ACTR3C: variants seen among roughly 807,000 people sequenced by gnomAD.
The protein encoded by ACTR3C is actin-related protein 3C.
A neutral mutation model predicts 26.3 loss-of-function variants in ACTR3C; 18 were observed. The ratio of observed to expected loss-of-function variants is 0.68; its 90% CI spans 0.47 to 1.01. The LOEUF is 1.01. Ranked by LOEUF, ACTR3C falls within the 50% of genes least tolerant of loss-of-function variation. The pLI, the probability that ACTR3C is intolerant of heterozygous loss-of-function variation, is 0.00. For missense variants in ACTR3C, 184 were observed against 250.7 expected, an observed-to-expected ratio of 0.73 and a Z score of 1.80; for synonymous variants, 55 against 94.5, an observed-to-expected ratio of 0.58 and a Z score of 2.42.
the ACTR3C span, among the ~76,000 whole-genome samples, chr7:149,883,227 T>C: frequency 1.3e-5 from 2 of 152,198 alleles, no homozygotes; most frequent in Non-Finnish European, 2.9e-5. Context: ...CGCTTTGGGC[T>C]GCCAGAAGCC....
the ACTR3C span, among the ~76,000 whole-genome samples, chr7:150,005,798 C>CA: frequency 6.6e-6 from 1 of 152,252 alleles, no homozygotes; most frequent in Admixed American, 6.5e-5. Context: ...ATAACTAACA[C>CA]AGCAGGCTCT....
intron 1 of ACTR3C, among the ~76,000 whole-genome samples, chr7:150,304,172 C>T (rs1187593975): frequency 6.6e-6 from 1 of 152,048 alleles, no homozygotes; most frequent in African/African-American, 2.4e-5. Context: ...AGAAAGCTGA[C>T]CTCTACACTG....
Position 150,248,714 on chromosome 7 carries a change from A to G in ACTR3C, c.*38+234T>C, listed in dbSNP as rs1832626364. 16 of 308,842 alleles carry G rather than the reference A, an allele frequency of 5.2e-5. 1 individual carries two copies. The South Asian group carries it at 1.5e-3, about 30-fold the overall frequency. The allele number at this position is 308,842 out of a possible 1,614,324, so 19.1% of individuals were successfully genotyped here. On this transcript the variant is annotated intron_variant, in intron 7 of 7. Transcript: ENST00000683684. ...ATCTTATCAAAATGTCCAGAATACA[A>G]TAAAAAACCACTTATCATAGCAAGA...
chr7:150,017,278 G>A, the ACTR3C span, among the ~76,000 whole-genome samples: 1,451 of 151,478 alleles, frequency 9.6e-3, 30 homozygotes, highest in African/African-American at 0.033. Flanking sequence ...GCGCTATCTC[G>A]TGTGGCTTCC....
the ACTR3C span, among the ~76,000 whole-genome samples, chr7:149,884,693 G>A: frequency 2.0e-5 from 3 of 152,212 alleles, no homozygotes; most frequent in Non-Finnish European, 4.4e-5. Context: ...GGATGAAGGA[G>A]GCTGGGGCTT....
intron 6 of ACTR3C, among the ~76,000 whole-genome samples, chr7:150,273,164 G>A (rs1276023664): frequency 1.3e-5 from 2 of 150,118 alleles, no homozygotes; most frequent in African/African-American, 2.5e-5. Flanking sequence ...TCTCATCAGC[G>A]AATCTAGCAC....
chr7:149,896,387 A>G, the ACTR3C span, among the ~76,000 whole-genome samples: 2 of 152,168 alleles, frequency 1.3e-5, no homozygotes, highest in Non-Finnish European at 1.5e-5. Context: ...TCCAAAATGC[A>G]TATACCACTA....
chr7:150,291,702 G>A (rs894504111), intron 3 of ACTR3C, among the ~76,000 whole-genome samples: 2 of 151,862 alleles, frequency 1.3e-5, no homozygotes, highest in Non-Finnish European at 2.9e-5. Flanking sequence ...AGAACCAAAG[G>A]GGGTGCAGGC....
chr7:150,055,336 TTTC>T, the ACTR3C span, among the ~76,000 whole-genome samples: 1 of 152,242 alleles, frequency 6.6e-6, no homozygotes, highest in African/African-American at 2.4e-5. Context: ...CTAGAGCAAT[TTTC>T]TTCATGGCAC....
At chr7:149,944,595 T>C in the ACTR3C span, among the ~76,000 whole-genome samples, 1 of 150,156 alleles carries the variant, frequency 6.7e-6, no homozygotes, top group Non-Finnish European at 1.5e-5. Context: ...TTAGATTAGC[T>C]GCTGGTCGCA....
chr7:150,159,343 T>C, the ACTR3C span, among the ~76,000 whole-genome samples: 1 of 152,286 alleles, frequency 6.6e-6, no homozygotes, highest in East Asian at 1.9e-4. Context: ...TGTTTTCTCT[T>C]GCACTTCATC....
chr7:150,094,576 C>T, the ACTR3C span, among the ~76,000 whole-genome samples: 1 of 150,538 alleles, frequency 6.6e-6, no homozygotes, highest in Non-Finnish European at 1.5e-5. Flanking sequence ...TTGGCACTAA[C>T]CTATCAGTAA....
At chr7:150,135,271 CAAAAAAT>C in the ACTR3C span, among the ~76,000 whole-genome samples, 45 of 151,828 alleles carry the variant, frequency 3.0e-4, no homozygotes, top group Non-Finnish European at 4.1e-4. Flanking sequence ...GACTCCGTCT[CAAAAAAT>C]AAAAAATAAA....
the ACTR3C span, among the ~76,000 whole-genome samples, chr7:150,170,072 C>A: frequency 6.7e-6 from 1 of 149,032 alleles, no homozygotes; most frequent in Non-Finnish European, 1.5e-5. Flanking sequence ...CTCTTGAAAG[C>A]CTGTGATGAA....
At chr7:150,108,654 G>T in the ACTR3C span, among the ~76,000 whole-genome samples, 1 of 150,364 alleles carries the variant, frequency 6.7e-6, no homozygotes, top group Non-Finnish European at 1.5e-5. Context: ...GGTTGCAGGA[G>T]AAGGTTCGTT....
At chr7:150,051,257 T>C in the ACTR3C span, among the ~76,000 whole-genome samples, 5,959 of 146,360 alleles carry the variant, frequency 0.041, no homozygotes, top group East Asian at 0.08. Context: ...ATAAAGTGGT[T>C]AGTATGTTAG....
chr7:150,028,769 C>A, the ACTR3C span, among the ~76,000 whole-genome samples: 1 of 152,286 alleles, frequency 6.6e-6, no homozygotes, highest in Non-Finnish European at 1.5e-5. Context: ...TCAACCACAC[C>A]TGTGCTCCTG....
At chr7:150,137,396 C>A in the ACTR3C span, among the ~76,000 whole-genome samples, 7 of 152,184 alleles carry the variant, frequency 4.6e-5, no homozygotes, top group East Asian at 3.9e-4. Context: ...CCCCATAGTG[C>A]CTGGCACGTG....
chr7:149,991,181 CA>C, the ACTR3C span, among the ~76,000 whole-genome samples: 1 of 152,198 alleles, frequency 6.6e-6, no homozygotes, highest in African/African-American at 2.4e-5. Context: ...TATAAACCAT[CA>C]GCTCTTGTAA....
Sources: allele counts gnomAD v4.1 joint callset (sites outside exome capture counted in the v4.1 genomes callset), GRCh38; gene constraint gnomAD v4.1.1; transcripts MANE v1.5; gene names NCBI Gene and HGNC (gene_info 2026-07-23, HGNC 2026-07-21).